PBRM1: variants seen among roughly 807,000 people sequenced by gnomAD.
PBRM1 encodes the protein polybromo 1.
In PBRM1, 27 loss-of-function variants were observed where a neutral mutation model predicts 194.5. The observed-to-expected ratio is 0.14, with a 90% CI of 0.10 to 0.19. PBRM1 has a LOEUF of 0.19. Ranked by LOEUF, PBRM1 falls within the 10% of genes least tolerant of loss-of-function variation. PBRM1 has a pLI of 1.00. For missense variants in PBRM1, 1,466 were observed against 2,077.2 expected, an observed-to-expected ratio of 0.71 and a Z score of 5.72; for synonymous variants, 655 against 693.2, an observed-to-expected ratio of 0.94 and a Z score of 0.87.
chr3:52,628,861 T>TACA (rs2095528828), intron 12 of PBRM1, 33 bp downstream of exon 13: 1 of 1,601,218 alleles, frequency 6.2e-7, no homozygotes, highest in South Asian at 1.1e-5. Context: ...TAATCATATA[T>TACA]ACAACAAACT....
At chr3:52,633,809 T>C (rs1029900574) in intron 11 of PBRM1, among the ~76,000 whole-genome samples, 1 of 152,228 alleles carries the variant, frequency 6.6e-6, no homozygotes, top group Non-Finnish European at 1.5e-5. Flanking sequence ...TATATTTTCC[T>C]TGGAGAAAGG....
intron 10 of PBRM1, among the ~76,000 whole-genome samples, chr3:52,640,284 T>G (rs13060675): frequency 0.34 from 51,904 of 151,800 alleles, 9,894 homozygotes; most frequent in Admixed American, 0.46. Context: ...TTTTTATTTT[T>G]TATTTATTTT....
chr3:52,599,665 A>G (rs868587672), intron 17 of PBRM1, among the ~76,000 whole-genome samples: 84 of 151,486 alleles, frequency 5.5e-4, no homozygotes, highest in African/African-American at 2.0e-3. Flanking sequence ...CAAAAAAAAA[A>G]AAAAAGAAAA....
At chr3:52,556,280 A>C (rs2082211939) in intron 26 of PBRM1, among the ~76,000 whole-genome samples, 1 of 152,248 alleles carries the variant, frequency 6.6e-6, no homozygotes, top group Non-Finnish European at 1.5e-5. Context: ...ACCGAATGAC[A>C]AAAATTTGAA....
chr3:52,560,521 A>G (rs1470661900), intron 25 of PBRM1: 2 of 152,232 alleles, frequency 1.3e-5, no homozygotes, highest in Non-Finnish European at 2.9e-5. Flanking sequence ...AGATAATATA[A>G]AACAGCTTAT....
At chr3:52,565,046 A>G (rs2084704523) in intron 22 of PBRM1, among the ~76,000 whole-genome samples, 1 of 152,002 alleles carries the variant, frequency 6.6e-6, no homozygotes, top group African/African-American at 2.4e-5. Flanking sequence ...TAAAAATACA[A>G]AAATTAGCTG....
intron 17 of PBRM1, among the ~76,000 whole-genome samples, chr3:52,590,645 C>A (rs1258500814): frequency 6.6e-6 from 1 of 151,096 alleles, no homozygotes; most frequent in Non-Finnish European, 1.5e-5. Context: ...TTTTCTTTTT[C>A]TTTTTTTAGA....
At chr3:52,671,427 G>A (rs1035638060) in intron 2 of PBRM1, among the ~76,000 whole-genome samples, 8 of 152,304 alleles carry the variant, frequency 5.3e-5, no homozygotes, top group Middle Eastern at 6.8e-3. Context: ...GCAGAGGGAC[G>A]GTATCTTCTA....
intron 22 of PBRM1, among the ~76,000 whole-genome samples, chr3:52,574,978 GCA>G (rs2088951421): frequency 6.6e-6 from 1 of 152,138 alleles, no homozygotes; most frequent in African/African-American, 2.4e-5. Context: ...ATGGCTCACT[GCA>G]GCCTCGACCT....
At chr3:52,631,459 C>T (rs2095615852) in intron 11 of PBRM1, among the ~76,000 whole-genome samples, 1 of 152,176 alleles carries the variant, frequency 6.6e-6, no homozygotes, top group Admixed American at 6.5e-5. Context: ...TGTTACTTAG[C>T]TAAGGTAGTT....
intron 1 of PBRM1, chr3:52,684,928 A>G (rs138216597): frequency 5.3e-5 from 8 of 152,378 alleles, no homozygotes; most frequent in African/African-American, 1.4e-4. Flanking sequence ...TAAGTAATAA[A>G]GCAAAAATTA....
chr3:52,589,576 G>C (rs892158502), intron 17 of PBRM1, among the ~76,000 whole-genome samples: 4 of 152,142 alleles, frequency 2.6e-5, no homozygotes, highest in African/African-American at 4.8e-5. Flanking sequence ...AAAGAAGTAC[G>C]TATGTCGTTT....
At chr3:52,661,649 C>T (rs1025615901) in intron 4 of PBRM1, among the ~76,000 whole-genome samples, 25 of 152,054 alleles carry the variant, frequency 1.6e-4, no homozygotes, top group Admixed American at 1.2e-3. Context: ...GAGCCAGTCA[C>T]GGGAAAAGTC....
intron 10 of PBRM1, among the ~76,000 whole-genome samples, chr3:52,639,911 A>G (rs2096004904): frequency 6.6e-6 from 1 of 152,198 alleles, no homozygotes; most frequent in Admixed American, 6.5e-5. Flanking sequence ...CTGTGTCAGC[A>G]GCAATAGGAA....
At chr3:52,622,265 G>A (rs1045858738) in intron 13 of PBRM1, among the ~76,000 whole-genome samples, 3 of 148,192 alleles carry the variant, frequency 2.0e-5, no homozygotes, top group African/African-American at 7.5e-5. Context: ...TTGAACCCAG[G>A]AGGCGGAGGT....
chr3:52,637,773 CAAAAAAAA>C (rs755241328), intron 10 of PBRM1, among the ~76,000 whole-genome samples: 10 of 42,236 alleles, frequency 2.4e-4, no homozygotes, highest in East Asian at 1.6e-3. Flanking sequence ...ACTAAAAATA[CAAAAAAAA>C]AAAAAAAAAA....
chr3:52,685,884 C>G, upstream of PBRM1: 1 of 620,878 alleles, frequency 1.6e-6, no homozygotes. Context: ...CCCTCACCTC[C>G]CTTACCCCTC....
intron 17 of PBRM1, among the ~76,000 whole-genome samples, chr3:52,593,883 GAGA>G (rs1273741336): frequency 6.6e-6 from 1 of 152,192 alleles, no homozygotes; most frequent in East Asian, 1.9e-4. Context: ...ATGTGGTAAT[GAGA>G]AGAATGCATA....
chr3:52,567,813 T>G (rs1252869759), intron 22 of PBRM1, among the ~76,000 whole-genome samples: 4 of 147,580 alleles, frequency 2.7e-5, no homozygotes, highest in South Asian at 4.2e-4. Flanking sequence ...TGTGTTTTTT[T>G]TTTTTTTTTT....
Sources: allele counts gnomAD v4.1 joint callset (sites outside exome capture counted in the v4.1 genomes callset), GRCh38; gene constraint gnomAD v4.1.1; transcripts MANE v1.5; gene names NCBI Gene and HGNC (gene_info 2026-07-23, HGNC 2026-07-21).